CTNNA2: variants seen among roughly 807,000 people sequenced by gnomAD.
CTNNA2 encodes catenin alpha 2.
In CTNNA2, 42 loss-of-function variants were observed where a neutral mutation model predicts 101.0. The observed-to-expected ratio is 0.42, with a 90% confidence interval of 0.32 to 0.54. The LOEUF (loss-of-function observed/expected upper bound fraction) is 0.54, where lower values mean the gene tolerates loss of function less well. Ranked by LOEUF, CTNNA2 falls within the 20% of genes least tolerant of loss-of-function variation. The pLI, the probability that CTNNA2 is intolerant of heterozygous loss-of-function variation, is 0.14. For synonymous variants in CTNNA2, 450 were observed against 456.4 expected, an observed-to-expected ratio of 0.99 and a Z score of 0.18; for missense variants, 871 against 1,223.1, an observed-to-expected ratio of 0.71 and a Z score of 4.29.
intron 4 of CTNNA2, among the ~76,000 whole-genome samples, chr2:79,433,270 G>A (rs1007224437): frequency 1.3e-5 from 2 of 152,082 alleles, no homozygotes; most frequent in African/African-American, 2.4e-5. Context: ...ATTTTGGGGG[G>A]AACAGGGACA....
chr2:79,984,490 A>G lies in CTNNA2; in HGVS notation c.1056+74693A>G, dbSNP rs1423744146. Among the ~76,000 whole-genome samples the G allele has an allele frequency of 2.0e-5, 3 of 152,198 alleles. No homozygotes were observed. The East Asian group carries it at 5.8e-4, about 29-fold the overall frequency. ...TTTTTCTTTACAAGGCATCCTTTTC[A>G]TCTCCTACATCCTGTCAAATTTACA... is the stretch of plus-strand genomic sequence containing the variant. On this transcript the variant is annotated intron_variant, in intron 7 of 18. Coordinates refer to ENST00000402739, the MANE Select transcript of CTNNA2 (RefSeq NM_001282597.3).
chr2:80,117,538 A>G (rs929395327), intron 7 of CTNNA2, among the ~76,000 whole-genome samples: 2 of 151,164 alleles, frequency 1.3e-5, no homozygotes, highest in African/African-American at 4.9e-5. Flanking sequence ...GAAATGCACA[A>G]TTCTGGCTGA....
intron 7 of CTNNA2, among the ~76,000 whole-genome samples, chr2:80,117,824 T>C (rs1363712685): frequency 1.3e-5 from 2 of 152,206 alleles, no homozygotes; most frequent in Admixed American, 6.5e-5. Flanking sequence ...TTGGGTGTTA[T>C]ATTAGTATTA....
At chr2:79,610,398 C>T (rs1678190423) in intron 1 of CTNNA2, among the ~76,000 whole-genome samples, 1 of 152,080 alleles carries the variant, frequency 6.6e-6, no homozygotes, top group Admixed American at 6.6e-5. Context: ...TACCATATGT[C>T]TGTACAAAGA....
chr2:80,281,726 A>C (rs1674396915), intron 7 of CTNNA2, among the ~76,000 whole-genome samples: 1 of 151,818 alleles, frequency 6.6e-6, no homozygotes, highest in African/African-American at 2.4e-5. Flanking sequence ...TTGTATAGTT[A>C]ATTATAGTTT....
chr2:80,527,755 A>C (rs925970556), intron 9 of CTNNA2, among the ~76,000 whole-genome samples: 2 of 152,202 alleles, frequency 1.3e-5, no homozygotes, highest in African/African-American at 4.8e-5. Context: ...CCAATGCCTT[A>C]GAAGAGAAAG....
intron 2 of CTNNA2, among the ~76,000 whole-genome samples, chr2:79,205,147 TTCTC>T (rs1214017792): frequency 2.6e-5 from 4 of 152,216 alleles, no homozygotes; most frequent in African/African-American, 9.6e-5. Flanking sequence ...TTGTGGCTCT[TTCTC>T]AGGACACATA....
intron 1 of CTNNA2, among the ~76,000 whole-genome samples, chr2:79,613,767 G>A (rs1320590087): frequency 6.6e-6 from 1 of 152,070 alleles, no homozygotes; most frequent in African/African-American, 2.4e-5. Context: ...TGATCCTCCT[G>A]CCTTGGCCTC....
chr2:80,213,281 C>T (rs2149039647), intron 7 of CTNNA2, among the ~76,000 whole-genome samples: 1 of 152,028 alleles, frequency 6.6e-6, no homozygotes, highest in South Asian at 2.1e-4. Flanking sequence ...GCTCTTGCTT[C>T]TCTAGTTCTT....
At chr2:79,973,608 AAAAC>A (rs1395466124) in intron 7 of CTNNA2, among the ~76,000 whole-genome samples, 1 of 152,178 alleles carries the variant, frequency 6.6e-6, no homozygotes, top group Non-Finnish European at 1.5e-5. Flanking sequence ...GTCAACCTAA[AAAAC>A]AAACAGAGCC....
At chr2:79,322,571 C>A (rs1309912270) in intron 3 of CTNNA2, among the ~76,000 whole-genome samples, 2 of 152,138 alleles carry the variant, frequency 1.3e-5, no homozygotes, top group African/African-American at 4.8e-5. Context: ...GCTGGTTGAT[C>A]TGACTAGTAA....
chr2:80,383,931 C>T (rs543890336), intron 7 of CTNNA2, among the ~76,000 whole-genome samples: 4 of 152,184 alleles, frequency 2.6e-5, no homozygotes, highest in South Asian at 2.1e-4. Flanking sequence ...TGACCATCAA[C>T]GGTAGAATGG....
Position 80,303,396 on chromosome 2 carries a change from C to A in CTNNA2, c.1057-89815C>A, listed in dbSNP as rs766412259. 2 of 1,614,138 alleles carry A rather than the reference C, an allele frequency of 1.2e-6. No individual in the cohort carries two copies. The highest frequency in any genetic ancestry group is 4.5e-5 in the East Asian group (2 of 44,860). On this transcript the variant is annotated intron_variant, in intron 7 of 18. Transcript: ENST00000402739. The surrounding 1 kb of genome is among the most constrained non-coding windows in gnomAD (Gnocchi z 7.7). ...TGCAGCTTGTTGTACGAGAGGTCCA[C>A]GCTGCGCAGGTTGGGCATGGGCCGG... is the stretch of plus-strand genomic sequence containing the variant.
At chr2:79,284,536 G>A (rs1291275102) in intron 2 of CTNNA2, among the ~76,000 whole-genome samples, 3 of 151,356 alleles carry the variant, frequency 2.0e-5, no homozygotes, top group African/African-American at 4.9e-5. Flanking sequence ...TTTTGTCTTC[G>A]GCTCTGTTTA....
Position 80,115,314 on chromosome 2 carries a change from G to C in CTNNA2, c.1056+205517G>C, listed in dbSNP as rs151280410. Among the ~76,000 whole-genome samples, 3 of 152,320 alleles carry C rather than the reference G, an allele frequency of 2.0e-5. No individual in the cohort carries two copies. In the East Asian group the frequency reaches 5.8e-4, roughly 29 times the overall value. On this transcript the variant is annotated intron_variant, in intron 7 of 18. Transcript: ENST00000402739. ...TTTGCAAGGTGTGATTCTGTATGCT[G>C]TGAGACTATTTTAACAGACATGGTA...
intron 1 of CTNNA2, among the ~76,000 whole-genome samples, chr2:79,514,162 C>G (rs1402261003): frequency 6.6e-6 from 1 of 152,098 alleles, no homozygotes; most frequent in East Asian, 1.9e-4. Flanking sequence ...TACAAAATAC[C>G]AAGATAGAAA....
Position 79,836,331 on chromosome 2 carries a change from G to A in CTNNA2, c.299-21682G>A, listed in dbSNP as rs371955051. Among the ~76,000 whole-genome samples the A allele has an allele frequency of 3.3e-5, 5 of 152,262 alleles. No homozygotes were observed. In the South Asian group the frequency reaches 1.0e-3, roughly 32 times the overall value. On this transcript the variant is annotated intron_variant, in intron 3 of 18. Coordinates refer to ENST00000402739, the MANE Select transcript of CTNNA2 (RefSeq NM_001282597.3). The stretch of plus-strand genomic sequence containing the variant: ...TTTACTTTGAGTGTGAATTTTAATA[G>A]CATTTTCTCAAAGTCTTGTGGAACA...
chr2:80,625,913 G>C, intron 18 of CTNNA2, among the ~76,000 whole-genome samples: 1 of 151,910 alleles, frequency 6.6e-6, no homozygotes. Context: ...AATTTACTCT[G>C]TTAAATTTTC....
chr2:79,761,433 A>C (rs192333697), intron 3 of CTNNA2, among the ~76,000 whole-genome samples: 2 of 152,300 alleles, frequency 1.3e-5, no homozygotes, highest in East Asian at 1.9e-4. Flanking sequence ...TTATTGAAAT[A>C]TTTTTAGTGT....
Sources: allele counts gnomAD v4.1 joint callset (sites outside exome capture counted in the v4.1 genomes callset), GRCh38; gene constraint gnomAD v4.1.1; non-coding constraint Gnocchi (gnomAD v3.1); transcripts MANE v1.5; gene names NCBI Gene and HGNC (gene_info 2026-07-23, HGNC 2026-07-21).